STK32A: variants seen among roughly 807,000 people sequenced by gnomAD.
The protein encoded by STK32A is serine/threonine-protein kinase 32A.
STK32A carries 41 observed loss-of-function variants against 53.2 expected under a neutral mutation model. The observed-to-expected ratio is 0.77, with a 90% CI of 0.60 to 1.00. The LOEUF (loss-of-function observed/expected upper bound fraction) is 1.00, where lower values mean the gene tolerates loss of function less well. STK32A is among the 50% of genes least tolerant of loss of function. STK32A has a pLI of 0.00. For synonymous variants in STK32A, 166 were observed against 162.8 expected, an observed-to-expected ratio of 1.02 and a Z score of -0.15; for missense variants, 458 against 485.8, an observed-to-expected ratio of 0.94 and a Z score of 0.54.
chr5:147,267,300 A>C (rs1276266741), intron 2 of STK32A, among the ~76,000 whole-genome samples: 1 of 152,160 alleles, frequency 6.6e-6, no homozygotes, highest in African/African-American at 2.4e-5. Context: ...AGTAAGTAGT[A>C]CAGACAAACC....
At chr5:147,323,708 A>C (rs1754431189) in intron 4 of STK32A, among the ~76,000 whole-genome samples, 190 bp from the exon 5 acceptor site, 1 of 152,174 alleles carries the variant, frequency 6.6e-6, no homozygotes, top group Admixed American at 6.5e-5. Flanking sequence ...AAATGTGGTT[A>C]TTATTCCCAT....
At chr5:147,398,123 T>TAACTATCCAGGATGCTGTAC in the STK32A span, among the ~76,000 whole-genome samples, 3 of 152,208 alleles carry the variant, frequency 2.0e-5, no homozygotes, top group East Asian at 1.9e-4. Context: ...AGAAGCTGGA[T>TAACTATCCAGGATGCTGTAC]AACTATCCAG....
At chr5:147,270,125 T>C (rs918263252) in intron 2 of STK32A, among the ~76,000 whole-genome samples, 1 of 152,114 alleles carries the variant, frequency 6.6e-6, no homozygotes, top group Admixed American at 6.6e-5. Flanking sequence ...ATCTTGAAGT[T>C]TAAAAGATCC....
chr5:147,355,108 A>T (rs185984929), intron 7 of STK32A, among the ~76,000 whole-genome samples: 77 of 152,346 alleles, frequency 5.1e-4, no homozygotes, highest in African/African-American at 1.9e-3. Flanking sequence ...AAGAATTCTA[A>T]AAAGAAAGAA....
At chr5:147,239,440 A>AC (rs1580970492) in intron 1 of STK32A, 99 bp from the exon 2 acceptor site, 2 of 471,908 alleles carry the variant, frequency 4.2e-6, no homozygotes, top group East Asian at 6.9e-5. Context: ...AGTTTTCACT[A>AC]CAGTGATACA....
downstream of STK32A, among the ~76,000 whole-genome samples, chr5:147,388,960 G>A (rs1365216344): frequency 6.6e-6 from 1 of 152,158 alleles, no homozygotes; most frequent in Non-Finnish European, 1.5e-5. Flanking sequence ...CACCAATCCT[G>A]AGTTAGAGCC....
Position 147,384,546 on chromosome 5 carries a change from T to C in STK32A, c.*563T>C. On this transcript the variant is annotated 3_prime_UTR_variant, in exon 13 of 13. Transcript: ENST00000397936. The stretch of plus-strand genomic sequence containing the variant: ...GAGATGGATGAGGGCCTTCCAGTGA[T>C]ATGCGTGAATCAGCATTAGATCCGC... 2.3e-6 allele frequency: 2 copies of C among 887,274 alleles called. No homozygotes were observed. The highest frequency in any genetic ancestry group is 3.4e-6 in the Non-Finnish European group (2 of 580,118). 55.0% of individuals were successfully genotyped at this position (887,274 alleles called of 1,614,324 possible).
the STK32A span, among the ~76,000 whole-genome samples, chr5:147,397,156 A>G: frequency 2.2e-5 from 1 of 46,482 alleles, no homozygotes; most frequent in Non-Finnish European, 3.9e-5. Context: ...ATTTGCACAC[A>G]TGTATGTATC....
In STK32A at chr5:147,383,495, A is replaced by G; in HGVS notation, c.1087A>G (p.Asn363Asp). 1 of 1,590,694 alleles carries G rather than the reference A, an allele frequency of 6.3e-7. No homozygotes were observed. Residue 363 changes from asparagine (N) to aspartate (D), a missense_variant, in exon 12 of 13, where the codon AAC (asparagine) becomes GAC (aspartate). Coordinates refer to ENST00000397936, the MANE Select transcript of STK32A (RefSeq NM_001112724.2). The part of the protein sequence containing the change: ...DSVQKEFIIF[N>D]REKVNRDFNK... ...TGTCCAGAAGGAGTTCATAATTTTC[A>G]ACAGAGAAAAGTAAGTAATTCCTGG... is the stretch of plus-strand genomic sequence containing the variant.
chr5:147,355,792 G>GTATATATATATATATATATATA (rs140534042), intron 7 of STK32A, among the ~76,000 whole-genome samples: 2 of 147,760 alleles, frequency 1.4e-5, no homozygotes, highest in African/African-American at 5.0e-5. Flanking sequence ...GTGTGTGTGT[G>GTATATATATATATATATATATA]TATATATATA....
At chr5:147,345,944 T>A (rs1755664286) in intron 6 of STK32A, among the ~76,000 whole-genome samples, 1 of 152,192 alleles carries the variant, frequency 6.6e-6, no homozygotes, top group African/African-American at 2.4e-5. Flanking sequence ...GGTACAGAAG[T>A]GAGCAAACAA....
rs79254194 is a variant in STK32A, at chr5:147,262,506, T to C, written c.53-15618T>C. ...TGCCTACTAAACTCTAGATATGTTTTTAATATATGCTATCTCATTTAATAC... is the reference window on the plus strand; with the variant it reads ...TGCCTACTAAACTCTAGATATGTTTCTAATATATGCTATCTCATTTAATAC... On this transcript the variant is annotated intron_variant, in intron 2 of 12. Coordinates refer to ENST00000397936, the MANE Select transcript of STK32A (RefSeq NM_001112724.2). Among the ~76,000 whole-genome samples, 166 of 152,250 alleles carry C rather than the reference T, an allele frequency of 1.1e-3. 1 individual carries two copies. The highest frequency in any genetic ancestry group is 1.7e-3 in the Non-Finnish European group (119 of 68,024).
At chr5:147,380,511 G>T (rs1757410284) in intron 11 of STK32A, among the ~76,000 whole-genome samples, 1 of 152,002 alleles carries the variant, frequency 6.6e-6, no homozygotes. Flanking sequence ...TTTTTTTAAA[G>T]AATATTTTCC....
intron 2 of STK32A, among the ~76,000 whole-genome samples, chr5:147,265,760 A>G (rs1754776945): frequency 6.6e-6 from 1 of 152,074 alleles, no homozygotes; most frequent in African/African-American, 2.4e-5. Context: ...TAGGGAAGTG[A>G]CTTCAGCTTC....
At chr5:147,324,461 T>C (rs1288091542) in intron 5 of STK32A, among the ~76,000 whole-genome samples, 6 of 152,212 alleles carry the variant, frequency 3.9e-5, no homozygotes, top group Non-Finnish European at 5.9e-5. Context: ...CTTGAGTCTT[T>C]CTAATATTTG....
intron 5 of STK32A, among the ~76,000 whole-genome samples, chr5:147,330,778 G>T (rs1026888174): frequency 6.6e-6 from 1 of 152,324 alleles, no homozygotes; most frequent in African/African-American, 2.4e-5. Flanking sequence ...CCTCCAAGAA[G>T]GCTGCCCACC....
At chr5:147,297,072 A>G (rs1414334959) in intron 4 of STK32A, among the ~76,000 whole-genome samples, 1 of 152,186 alleles carries the variant, frequency 6.6e-6, no homozygotes, top group Admixed American at 6.5e-5. Flanking sequence ...TCAATGACTT[A>G]CCAAACCAAT....
At chr5:147,265,767 C>T (rs530108287) in intron 2 of STK32A, among the ~76,000 whole-genome samples, 1 of 152,212 alleles carries the variant, frequency 6.6e-6, no homozygotes, top group South Asian at 2.1e-4. Context: ...GTGACTTCAG[C>T]TTCTTTATCT....
intron 11 of STK32A, chr5:147,383,207 T>C: frequency 1.8e-6 from 1 of 547,978 alleles, no homozygotes; most frequent in Non-Finnish European, 3.2e-6. Flanking sequence ...AATAGTGACA[T>C]TAGACAGATT....
Sources: gnomAD v4.1 joint callset for allele counts (sites outside exome capture counted in the v4.1 genomes callset) on GRCh38, gnomAD v4.1.1 for gene constraint, MANE v1.5 for transcripts, NCBI Gene and HGNC (gene_info 2026-07-23, HGNC 2026-07-21) for gene names.